The following RMP64 variants were observed in gnomAD, a reference collection of about 807,000 sequenced individuals.
RMP64 encodes ribonuclease MRP subunit p64.
the RMP64 span, chr3:113,011,345 G>A: frequency 6.2e-7 from 1 of 1,611,042 alleles, no homozygotes; most frequent in Non-Finnish European, 8.5e-7. Context: ...ACCTCTTGAA[G>A]CAATCCAAAC....
the RMP64 span, chr3:113,015,064 G>A: frequency 1.3e-5 from 2 of 152,170 alleles, no homozygotes; most frequent in Non-Finnish European, 2.9e-5. Flanking sequence ...ATTTCTAGAA[G>A]TATATTTGCA....
the RMP64 span, among the ~76,000 whole-genome samples, chr3:113,009,324 T>C: frequency 6.6e-6 from 1 of 151,960 alleles, no homozygotes; most frequent in Non-Finnish European, 1.5e-5. Flanking sequence ...AAAGGAACTT[T>C]AAAAAAAAGT....
chr3:113,016,634 GAA>G, the RMP64 span, among the ~76,000 whole-genome samples: 1 of 152,140 alleles, frequency 6.6e-6, no homozygotes, highest in Non-Finnish European at 1.5e-5. Flanking sequence ...TTTCTTTGAT[GAA>G]ATCTTCACCC....
chr3:113,012,886 A>C, the RMP64 span: 1 of 873,482 alleles, frequency 1.1e-6, no homozygotes, highest in South Asian at 1.4e-5. Context: ...TGAATGAAGA[A>C]ATATATTGGA....
chr3:113,015,810 T>G, the RMP64 span, among the ~76,000 whole-genome samples: 26 of 147,722 alleles, frequency 1.8e-4, no homozygotes, highest in East Asian at 5.0e-3. Flanking sequence ...TGACACAGAC[T>G]ATATTAAATG....
chr3:113,016,638 TCTTCACC>T, the RMP64 span, among the ~76,000 whole-genome samples: 1 of 152,092 alleles, frequency 6.6e-6, no homozygotes, highest in Non-Finnish European at 1.5e-5. Flanking sequence ...TTTGATGAAA[TCTTCACC>T]CTGTTTGCTT....
At chr3:113,013,394 C>G in the RMP64 span, 2 of 1,588,832 alleles carry the variant, frequency 1.3e-6, no homozygotes, top group Non-Finnish European at 1.7e-6. Flanking sequence ...TAGTTAAGGG[C>G]TGATTTTCAC....
chr3:113,011,181 A>C, the RMP64 span: 7 of 1,613,598 alleles, frequency 4.3e-6, no homozygotes, highest in Non-Finnish European at 5.9e-6. Context: ...CATTTATTAA[A>C]AACAGTTTAT....
At chr3:113,003,881 GAATCAGCTA>G in the RMP64 span, 1 of 152,128 alleles carries the variant, frequency 6.6e-6, no homozygotes, top group African/African-American at 2.4e-5. Context: ...GTTTTTTTCT[GAATCAGCTA>G]AATGAAGTAT....
the RMP64 span, chr3:113,004,915 C>T: frequency 6.6e-6 from 1 of 152,534 alleles, no homozygotes. Flanking sequence ...AAAATTAAAA[C>T]GTTTTGGAGA....
chr3:113,010,521 TAAG>T, the RMP64 span: 146 of 743,222 alleles, frequency 2.0e-4, no homozygotes, highest in African/African-American at 2.4e-3. Context: ...CACTGACAAC[TAAG>T]AAGGCACTAA....
the RMP64 span, chr3:113,011,155 G>C: frequency 1.2e-6 from 2 of 1,613,378 alleles, no homozygotes; most frequent in Non-Finnish European, 1.7e-6. Flanking sequence ...TTCTTCACTG[G>C]CTCTTGGTGA....
At chr3:113,010,915 AAT>A in the RMP64 span, 94 of 905,186 alleles carry the variant, frequency 1.0e-4, no homozygotes, top group Non-Finnish European at 1.4e-4. Context: ...CTCTCTAATC[AAT>A]ATGAGTCAAA....
At chr3:113,010,523 A>G in the RMP64 span, 15 of 750,088 alleles carry the variant, frequency 2.0e-5, no homozygotes, top group Non-Finnish European at 3.1e-5. Flanking sequence ...CTGACAACTA[A>G]GAAGGCACTA....
the RMP64 span, chr3:113,014,300 A>T: frequency 6.7e-6 from 2 of 298,966 alleles, no homozygotes; most frequent in South Asian, 9.2e-5. Context: ...TTGATGTCAT[A>T]AAAGGGACCA....
the RMP64 span, chr3:113,004,852 T>G: frequency 6.6e-5 from 10 of 152,592 alleles, no homozygotes; most frequent in Admixed American, 6.5e-4. Context: ...ACCACCTTAT[T>G]GCCTTTTTGT....
At chr3:113,014,023 AT>A in the RMP64 span, 1 of 1,611,146 alleles carries the variant, frequency 6.2e-7, no homozygotes, top group Non-Finnish European at 8.5e-7. Context: ...CGCTTTAAAC[AT>A]TGCTCAACCT....
At chr3:113,008,111 A>G in the RMP64 span, 1 of 1,487,258 alleles carries the variant, frequency 6.7e-7, no homozygotes, top group Non-Finnish European at 9.3e-7. Context: ...TGACCTGAAT[A>G]CTTTTACTCA....
chr3:113,005,715 TA>T, the RMP64 span: 1 of 1,614,058 alleles, frequency 6.2e-7, no homozygotes, highest in Non-Finnish European at 8.5e-7. Flanking sequence ...GAAACTCCAC[TA>T]TTCAAGAGCT....
Sources: gnomAD v4.1 joint callset for allele counts (sites outside exome capture counted in the v4.1 genomes callset) on GRCh38, gnomAD v4.1.1 for gene constraint, MANE v1.5 for transcripts, NCBI Gene and HGNC (gene_info 2026-07-23, HGNC 2026-07-21) for gene names.